Variants in ALPK3 observed in about 807,000 individuals in gnomAD.
ALPK3 encodes alpha kinase 3, also known as alpha-protein kinase 3.
ALPK3 carries 102 observed loss-of-function variants against 140.0 expected under a neutral mutation model. The ratio of observed to expected loss-of-function variants is 0.73; its 90% CI spans 0.62 to 0.86. The LOEUF (loss-of-function observed/expected upper bound fraction) is 0.86, where lower values mean the gene tolerates loss of function less well. ALPK3 is among the 40% of genes least tolerant of loss of function. The pLI is 0.00. For synonymous variants in ALPK3, 938 were observed against 898.5 expected (o/e 1.04, Z -0.79); for missense variants, 2,254 against 2,208.2 (o/e 1.02, Z -0.42).
chr15:84,869,733 A>C lies in ALPK3; in HGVS notation c.*1277A>C, dbSNP rs1964047191. 1 of 152,726 alleles carries C rather than the reference A, an allele frequency of 6.5e-6. No individual in the cohort carries two copies. Among genetic ancestry groups the C allele is most frequent in the Non-Finnish European group, 1.5e-5 (1 of 68,128 alleles). The allele number at this position is 152,726 out of a possible 1,614,324, so 9.5% of individuals were successfully genotyped here. ...ACTCCCTTTGGAATGCAATAAAGGC[A>C]GCATTGTGTGCCCTGCTTGCCCTCA... On this transcript the variant is annotated 3_prime_UTR_variant, in exon 14 of 14. Coordinates refer to ENST00000258888, the MANE Select transcript of ALPK3 (RefSeq NM_020778.5).
At chr15:84,818,705 A>C (rs1293650106) in intron 1 of ALPK3, among the ~76,000 whole-genome samples, 1 of 152,202 alleles carries the variant, frequency 6.6e-6, no homozygotes, top group Non-Finnish European at 1.5e-5. Context: ...GGGAAAGTTC[A>C]AATGTAACCG....
rs1169957640 is a variant in ALPK3, at chr15:84,817,444, G to A, written c.-9G>A. 1.5e-6 allele frequency: 2 copies of A among 1,300,562 alleles called. No individual in the cohort carries two copies. Among genetic ancestry groups the A allele is most frequent in the Non-Finnish European group, 1.9e-6 (2 of 1,030,276 alleles). The allele number at this position is 1,300,562 out of a possible 1,614,324, so 80.6% of individuals were successfully genotyped here. A position where few individuals can be genotyped will look rare whatever the true frequency, so the allele number is the denominator to read the frequency against. On this transcript the variant is annotated 5_prime_UTR_variant, in exon 1 of 14. Transcript: ENST00000258888. ...GAGTGCGGGGCCGGCGGTCGGGGAG[G>A]GCGGTGCCATGGGGTCGCGGAGGGC...
chr15:84,840,052 C>T lies in ALPK3; in HGVS notation c.773C>T (p.Ala258Val). The change falls in exon 5 of 14, where the codon GCT (alanine) becomes GTT (valine). Residue 258 changes from alanine (A) to valine (V), a missense_variant. Coordinates refer to ENST00000258888, the MANE Select transcript of ALPK3 (RefSeq NM_020778.5). ...TGGCAGGAGGGAGAGACTGAGACTG[C>T]TCAGCACTCAGGTTTGGGCCTGATC... ...AAWQEGETET[A>V]QHSGLGLINS... 2 of 1,614,088 alleles carry T rather than the reference C, an allele frequency of 1.2e-6. No homozygotes were observed. The highest frequency in any genetic ancestry group is 1.7e-6 in the Non-Finnish European group (2 of 1,180,010).
chr15:84,850,875 G>GATAT (rs371051171), intron 5 of ALPK3, among the ~76,000 whole-genome samples: 19,305 of 136,300 alleles, frequency 0.14, 1,456 homozygotes, highest in Non-Finnish European at 0.19. Context: ...CACAGTTCCA[G>GATAT]ATATACACAC....
chr15:84,826,472 G>T (rs1186272404), intron 2 of ALPK3, among the ~76,000 whole-genome samples: 1 of 152,174 alleles, frequency 6.6e-6, no homozygotes, highest in African/African-American at 2.4e-5. Context: ...GGGGAGGGAG[G>T]GCCGGGCACG....
chr15:84,820,774 G>A (rs966682357), intron 1 of ALPK3, among the ~76,000 whole-genome samples: 2 of 152,158 alleles, frequency 1.3e-5, no homozygotes, highest in African/African-American at 4.8e-5. Flanking sequence ...GAGCCACCAT[G>A]CCCGGTTTAG....
chr15:84,856,357 T>A, intron 5 of ALPK3, 35 bp from the exon 6 acceptor site: 1 of 1,552,236 alleles, frequency 6.4e-7, no homozygotes, highest in Non-Finnish European at 8.7e-7. Flanking sequence ...AATGTCCATG[T>A]AGTTAAATCC....
rs1284776728 is a variant in ALPK3, at chr15:84,840,564, C to G, written c.1285C>G (p.Leu429Val). 1.3e-6 allele frequency: 2 copies of G among 1,585,950 alleles called. No homozygotes were observed. Among genetic ancestry groups the G allele is most frequent in the Non-Finnish European group, 1.7e-6 (2 of 1,168,056 alleles). Residue 429 changes from leucine to valine, a missense_variant, in exon 5 of 14, where the codon CTT (leucine) becomes GTT (valine). By Grantham distance (32) the Leu-to-Val change is conservative. Around this residue, in one of 3 missense-constraint regions of ALPK3, gnomAD observed 2,088 missense variants for 2,022.9 expected, o/e 1.03. Coordinates refer to ENST00000258888, the MANE Select transcript of ALPK3 (RefSeq NM_020778.5). Reference sequence around the variant, plus strand: ...GGAGAACACCCAGGCAGTCAGGCCTCTTGGGGAAGAGGGACCCCAGACCCT... The same window carrying G: ...GGAGAACACCCAGGCAGTCAGGCCTGTTGGGGAAGAGGGACCCCAGACCCT... ...YLENTQAVRPLGEEGPQTLSV... is the reference protein window; with the variant it reads ...YLENTQAVRPVGEEGPQTLSV...
chr15:84,828,096 G>A (rs776354563), intron 3 of ALPK3, among the ~76,000 whole-genome samples: 7 of 152,252 alleles, frequency 4.6e-5, no homozygotes, highest in East Asian at 1.9e-4. Context: ...TACTGAGCAC[G>A]TTATATAACC....
chr15:84,863,228 G>T (rs947240400), intron 10 of ALPK3, among the ~76,000 whole-genome samples: 1 of 152,134 alleles, frequency 6.6e-6, no homozygotes, highest in African/African-American at 2.4e-5. Flanking sequence ...TAAAAGGGGG[G>T]TGCTGTGGGT....
chr15:84,817,545 C>A lies in ALPK3; in HGVS notation c.93C>A (p.Ile31=). ...GDGEDDGPVW[I]PSPASRSYLL... ...GTGAGGACGACGGCCCCGTGTGGATCCCCAGCCCAGCCAGCCGGAGCTACC... is the reference window on the plus strand; with the variant it reads ...GTGAGGACGACGGCCCCGTGTGGATACCCAGCCCAGCCAGCCGGAGCTACC... The change falls in exon 1 of 14, where the codon ATC becomes ATA. Residue 31 remains isoleucine, a synonymous_variant. Coordinates refer to ENST00000258888, the MANE Select transcript of ALPK3 (RefSeq NM_020778.5). 1 of 1,502,122 alleles carries A rather than the reference C, an allele frequency of 6.7e-7. No individual in the cohort carries two copies. 93.0% of individuals were successfully genotyped at this position (1,502,122 alleles called of 1,614,324 possible).
At chr15:84,853,405 G>A (rs1163892335) in intron 5 of ALPK3, among the ~76,000 whole-genome samples, 4 of 152,126 alleles carry the variant, frequency 2.6e-5, no homozygotes, top group African/African-American at 9.7e-5. Flanking sequence ...TTGAGGCCAG[G>A]AGTTCAAGAC....
Position 84,870,795 on chromosome 15 carries a change from C to G in ALPK3, c.*2339C>G, listed in dbSNP as rs1026632363. On this transcript the variant is annotated 3_prime_UTR_variant, in exon 14 of 14. Coordinates refer to ENST00000258888, the MANE Select transcript of ALPK3 (RefSeq NM_020778.5). ...GGGGCAGTCTTCCAAAAGATGCGGACTCTTGCCACATGGAATGGTGGAGTA... is the reference window on the plus strand; with the variant it reads ...GGGGCAGTCTTCCAAAAGATGCGGAGTCTTGCCACATGGAATGGTGGAGTA... 1 of 152,172 alleles carries G rather than the reference C, an allele frequency of 6.6e-6. No individual in the cohort carries two copies. Among genetic ancestry groups the G allele is most frequent in the Non-Finnish European group, 1.5e-5 (1 of 68,052 alleles). The allele number at this position is 152,172 out of a possible 1,614,324, so 9.4% of individuals were successfully genotyped here. A position where few individuals can be genotyped will look rare whatever the true frequency, so the allele number is the denominator to read the frequency against.
Position 84,830,741 on chromosome 15 carries a change from C to T in ALPK3, c.304+3136C>T, listed in dbSNP as rs538979409. ...TGAGGCAAGATTTCCTCTGTCACCC[C>T]GGCTGGAGTGCAGTGGCATGATCAC... On this transcript the variant is annotated intron_variant, in intron 3 of 13. Coordinates refer to ENST00000258888, the MANE Select transcript of ALPK3 (RefSeq NM_020778.5). Among the ~76,000 whole-genome samples, 179 of 152,202 alleles carry T rather than the reference C, an allele frequency of 1.2e-3. 3 individuals carry two copies. Among genetic ancestry groups the T allele is most frequent in the Admixed American group, 0.01 (159 of 15,294 alleles).
At chr15:84,860,635 C>G (rs1567094915) in intron 9 of ALPK3, among the ~76,000 whole-genome samples, 1 of 152,192 alleles carries the variant, frequency 6.6e-6, no homozygotes. Context: ...GTGAAGGCAG[C>G]CAGTGATAAA....
rs55953049 is a variant in ALPK3, at chr15:84,858,452, G to A, written c.3714G>A (p.Leu1238=). 7.7e-6 allele frequency: 12 copies of A among 1,567,836 alleles called. No individual in the cohort carries two copies. In the East Asian group the frequency reaches 2.8e-4, roughly 36 times the overall value. ...RAEEELAAGD[L]GPSPKAGGLD... ...AGGAGGAGCTGGCGGCAGGAGACCT[G>A]GGCCCCAGCCCCAAGGCCGGCGGTC... Residue 1238 remains leucine (L), a synonymous_variant, in exon 6 of 14, where the codon CTG becomes CTA. Coordinates refer to ENST00000258888, the MANE Select transcript of ALPK3 (RefSeq NM_020778.5).
chr15:84,868,114 C>G lies in ALPK3; in HGVS notation c.4776C>G (p.Tyr1592Ter). The G allele has an allele frequency of 1.9e-6, 3 of 1,608,408 alleles. No homozygotes were observed. Among genetic ancestry groups the G allele is most frequent in the Non-Finnish European group, 2.6e-6 (3 of 1,175,828 alleles). ...DVQIATKLRG[Y>*]QGLKESCFPA... ...AGCTCTTCCTGTCTGGCTGCAGATA[C>G]CAGGGCCTCAAGGAAAGCTGCTTCC... The change falls in exon 14 of 14, where the codon TAC becomes TAG. Residue 1592 changes from tyrosine (Y) to a stop codon, truncating the protein, a stop_gained. Coordinates refer to ENST00000258888, the MANE Select transcript of ALPK3 (RefSeq NM_020778.5). LOFTEE classifies it high-confidence loss of function.
At chr15:84,847,165 C>T (rs1020853134) in intron 5 of ALPK3, among the ~76,000 whole-genome samples, 8 of 150,876 alleles carry the variant, frequency 5.3e-5, no homozygotes, top group African/African-American at 1.2e-4. Flanking sequence ...TGAACACATA[C>T]GCCCATACAC....
intron 3 of ALPK3, among the ~76,000 whole-genome samples, chr15:84,836,062 A>G (rs1432991043): frequency 6.6e-6 from 1 of 152,248 alleles, no homozygotes; most frequent in Admixed American, 6.5e-5. Flanking sequence ...TAAGAGGAAT[A>G]GCAAGTGCCT....
Sources: allele counts gnomAD v4.1 joint callset (sites outside exome capture counted in the v4.1 genomes callset), GRCh38; gene constraint gnomAD v4.1.1; regional missense constraint gnomAD v4.1.1; transcripts MANE v1.5; gene names NCBI Gene and HGNC (gene_info 2026-07-23, HGNC 2026-07-21).